Variants in FADS3 observed in about 807,000 individuals in gnomAD.
The protein encoded by FADS3 is cytochrome b5-related protein.
FADS3 carries 30 observed loss-of-function variants against 60.4 expected under a neutral mutation model. The ratio of observed to expected loss-of-function variants is 0.50; its 90% CI spans 0.37 to 0.67. The LOEUF (loss-of-function observed/expected upper bound fraction) is 0.67, where lower values mean the gene tolerates loss of function less well. Among genes scored for constraint, FADS3 ranks in the 30% least tolerant of loss-of-function variants. The pLI, the probability that FADS3 is intolerant of heterozygous loss-of-function variation, is 0.00. For synonymous variants in FADS3, 234 were observed against 249.3 expected (o/e 0.94, Z 0.58); for missense variants, 432 against 598.3 (o/e 0.72, Z 2.90).
At chr11:61,878,333 G>C in intron 5 of FADS3, 118 bp from the exon 6 acceptor site, 1 of 1,355,460 alleles carries the variant, frequency 7.4e-7, no homozygotes, top group Non-Finnish European at 1.0e-6. Context: ...TCTAGCAAGC[G>C]GGCTGGTCGT....
At position 61,880,099 on chromosome 11, in the gene FADS3, T is replaced by C. The variant is rs747080847; in HGVS notation, c.266A>G (p.Gln89Arg). 1.2e-6 allele frequency: 2 copies of C among 1,614,120 alleles called. No homozygotes were observed. Among genetic ancestry groups the C allele is most frequent in the South Asian group, 2.2e-5 (2 of 91,084 alleles). ...QDLNFVRKFLQPLLIGELAPE... is the reference protein window; with the variant it reads ...QDLNFVRKFLRPLLIGELAPE... ...AGCCAGCTCTCCAATCAACAGGGGC[T>C]GTAGGAACTTGCGCACAAAATTGAG... Residue 89 changes from glutamine to arginine, a missense_variant, in exon 2 of 12, where the codon CAG becomes CGG. By Grantham distance (43) the Gln-to-Arg change is conservative. Around this residue, in one of 5 missense-constraint regions of FADS3, gnomAD observed 167 missense variants for 188.8 expected, o/e 0.88. Coordinates refer to ENST00000278829, the MANE Select transcript of FADS3 (RefSeq NM_021727.5).
In FADS3 at chr11:61,878,562, G is replaced by T; in HGVS notation, c.697C>A (p.Pro233Thr). Reference sequence around the variant, plus strand: ...AAGACGGGCGCCACCGTCACGTCTGGGTCTTTGTGGAAGATGTTGGGCTTG... The same window carrying T: ...AAGACGGGCGCCACCGTCACGTCTGTGTCTTTGTGGAAGATGTTGGGCTTG... Reference protein sequence around the residue: ...HAKPNIFHKDPDVTVAPVFLL... With the variant: ...HAKPNIFHKDTDVTVAPVFLL... Residue 233 changes from proline to threonine, a missense_variant, in exon 5 of 12, where the codon CCA becomes ACA. This residue lies in a region of FADS3 where 116 missense variants were observed against 208.9 expected (regional missense o/e 0.56). Transcript: ENST00000278829. 1 of 1,614,190 alleles carries T rather than the reference G, an allele frequency of 6.2e-7. No individual in the cohort carries two copies. Among genetic ancestry groups the T allele is most frequent in the Non-Finnish European group, 8.5e-7 (1 of 1,180,028 alleles).
intron 11 of FADS3, among the ~76,000 whole-genome samples, chr11:61,874,694 G>A (rs61413106): frequency 0.045 from 6,857 of 152,088 alleles, 515 homozygotes; most frequent in African/African-American, 0.16. Flanking sequence ...CTGCCTGAAC[G>A]CTCTTTGCCA....
rs1461700631 is a variant in FADS3 at position 61,891,472 on chromosome 11, C to T, written c.-91G>A. On this transcript the variant is annotated 5_prime_UTR_variant, in exon 1 of 12. Transcript: ENST00000278829. ...CGAAGAGCGCTCCCGGGCGCCGCCT[C>T]CGCCGCCGCCCGCTGCTCCGGCCCC... 2.3e-6 allele frequency: 2 copies of T among 868,474 alleles called. No individual in the cohort carries two copies. The allele number at this position is 868,474 out of a possible 1,614,324, so 53.8% of individuals were successfully genotyped here.
Position 61,880,098 on chromosome 11 carries a change from C to A in FADS3, c.267G>T (p.Gln89His), listed in dbSNP as rs777666692. The A allele has an allele frequency of 3.1e-6, 5 of 1,614,148 alleles. No homozygotes were observed. The highest frequency in any genetic ancestry group is 1.7e-6 in the Non-Finnish European group (2 of 1,179,992). ...QDLNFVRKFL[Q>H]PLLIGELAPE... ...GAGCCAGCTCTCCAATCAACAGGGG[C>A]TGTAGGAACTTGCGCACAAAATTGA... is the stretch of plus-strand genomic sequence containing the variant. Residue 89 changes from glutamine (Q) to histidine (H), a missense_variant, in exon 2 of 12, where the codon CAG becomes CAT. Gln to His is a conservative substitution (Grantham distance 24, BLOSUM62 0). Around this residue, in one of 5 missense-constraint regions of FADS3, gnomAD observed 167 missense variants for 188.8 expected, o/e 0.88. Transcript: ENST00000278829.
intron 1 of FADS3, among the ~76,000 whole-genome samples, chr11:61,884,671 G>A (rs1053446147): frequency 6.6e-6 from 1 of 152,054 alleles, no homozygotes; most frequent in Non-Finnish European, 1.5e-5. Flanking sequence ...GAGCCTCAGG[G>A]AACTGTGGGA....
chr11:61,884,136 G>A (rs751991376), intron 1 of FADS3, among the ~76,000 whole-genome samples: 2 of 152,166 alleles, frequency 1.3e-5, no homozygotes, highest in Non-Finnish European at 2.9e-5. Flanking sequence ...AAGGATGGGG[G>A]TGCCAGGCAG....
rs767533494 is a variant in FADS3, at chr11:61,891,283, C to T, written c.99G>A (p.Gln33=). 6.5e-7 allele frequency: 1 copy of T among 1,537,038 alleles called. No homozygotes were observed. The highest frequency in any genetic ancestry group is 1.2e-5 in the South Asian group (1 of 83,986). The stretch of plus-strand genomic sequence containing the variant: ...CGATGACCAGCCACTTGTCGCCGGG[C>T]TGGTCGTGCGCGCGGATCTGCTCCC... ...FCWEQIRAHD[Q]PGDKWLVIER... The change falls in exon 1 of 12, where the codon CAG becomes CAA. Residue 33 remains glutamine (Q), a synonymous_variant. Coordinates refer to ENST00000278829, the MANE Select transcript of FADS3 (RefSeq NM_021727.5).
intron 1 of FADS3, among the ~76,000 whole-genome samples, chr11:61,889,738 G>A (rs1475957485): frequency 6.6e-6 from 1 of 152,224 alleles, no homozygotes; most frequent in Admixed American, 6.5e-5. Flanking sequence ...GCTCATGCCT[G>A]TAATCCCAGA....
chr11:61,875,989 A>C lies in FADS3; in HGVS notation c.1161-13T>G. On this transcript the variant is annotated splice_polypyrimidine_tract_variant and intron_variant, in intron 10 of 11. Coordinates refer to ENST00000278829, the MANE Select transcript of FADS3 (RefSeq NM_021727.5). ...CCTGGGGAAGAGGCTGGGGGTGGGG[A>C]GCGTATGCTGGCACCTGAAGTGGGA... 6.2e-7 allele frequency: 1 copy of C among 1,613,306 alleles called. No individual in the cohort carries two copies. Among genetic ancestry groups the C allele is most frequent in the Non-Finnish European group, 8.5e-7 (1 of 1,179,972 alleles).
rs58481740 is a variant in FADS3, at chr11:61,875,619, G to T, written c.1286+232C>A. Among the ~76,000 whole-genome samples, 132 of 152,256 alleles carry T rather than the reference G, an allele frequency of 8.7e-4. 2 individuals carry two copies. Among genetic ancestry groups the T allele is most frequent in the African/African-American group, 3.1e-3 (130 of 41,526 alleles). On this transcript the variant is annotated intron_variant, in intron 11 of 11. Transcript: ENST00000278829. The stretch of plus-strand genomic sequence containing the variant: ...GTTAGCTTCTTTCCCTCAGCCTTTG[G>T]GGGTAGGTTTGCATAGACCTGCTCA...
chr11:61,880,189 C>T (rs759268465), intron 1 of FADS3, 38 bp from the exon 2 acceptor site: 2 of 1,559,136 alleles, frequency 1.3e-6, no homozygotes, highest in African/African-American at 1.4e-5. Context: ...CAGACAGACA[C>T]AGCTGAGTAG....
intron 1 of FADS3, among the ~76,000 whole-genome samples, chr11:61,889,175 G>A (rs752791505): frequency 1.4e-4 from 21 of 152,054 alleles, no homozygotes; most frequent in Non-Finnish European, 2.9e-5. Context: ...GGGATTACAG[G>A]TGTGAGCCAC....
Position 61,875,904 on chromosome 11 carries a change from G to A in FADS3, c.1233C>T (p.His411=), listed in dbSNP as rs745914744. ...AGGGCTTCACTTCGTAGCTGAGGCC[G>A]TGCTTGGCACACAGCGACTTGACCA... ...APLVKSLCAK[H]GLSYEVKPFL... Residue 411 remains histidine, a synonymous_variant, in exon 11 of 12, where the codon CAC becomes CAT. Transcript: ENST00000278829. 15 of 1,613,698 alleles carry A rather than the reference G, an allele frequency of 9.3e-6. No individual in the cohort carries two copies. Among genetic ancestry groups the A allele is most frequent in the East Asian group, 2.2e-5 (1 of 44,896 alleles).
In FADS3 at chr11:61,891,414, G is replaced by A. The variant is rs1938511074; in HGVS notation, c.-33C>T. 2.9e-6 allele frequency: 4 copies of A among 1,378,102 alleles called. No homozygotes were observed. The highest frequency in any genetic ancestry group is 3.3e-5 in the Admixed American group (1 of 30,626). 85.4% of individuals were successfully genotyped at this position (1,378,102 alleles called of 1,614,324 possible). ...GCACGAGTCCTGGGGATCCCAGGCG[G>A]TGGCCGAGGTCCGAGCAAGACCCCG... is the stretch of plus-strand genomic sequence containing the variant. On this transcript the variant is annotated 5_prime_UTR_variant, in exon 1 of 12. Transcript: ENST00000278829.
intron 11 of FADS3, among the ~76,000 whole-genome samples, chr11:61,875,173 AG>A (rs779755374): frequency 5.3e-5 from 8 of 152,134 alleles, no homozygotes; most frequent in Non-Finnish European, 8.8e-5. Context: ...AGGGCGTGTG[AG>A]GGGATGTCCC....
intron 1 of FADS3, among the ~76,000 whole-genome samples, chr11:61,885,630 C>T (rs1938288999): frequency 1.3e-5 from 2 of 152,192 alleles, no homozygotes; most frequent in African/African-American, 2.4e-5. Flanking sequence ...GGCTGGCAGC[C>T]TCCTTCCACC....
intron 1 of FADS3, 21 bp downstream of exon 1, chr11:61,891,148 G>T (rs756348084): frequency 6.5e-7 from 1 of 1,548,790 alleles, no homozygotes. Context: ...CCGGTGGGTG[G>T]CTTCCTTATG....
intron 1 of FADS3, among the ~76,000 whole-genome samples, chr11:61,883,465 A>G (rs891640933): frequency 6.6e-6 from 1 of 152,152 alleles, no homozygotes; most frequent in Non-Finnish European, 1.5e-5. Context: ...GCACATGCAG[A>G]CACACCCACC....
Sources: allele counts gnomAD v4.1 joint callset (sites outside exome capture counted in the v4.1 genomes callset), GRCh38; gene constraint gnomAD v4.1.1; regional missense constraint gnomAD v4.1.1; transcripts MANE v1.5; gene names NCBI Gene and HGNC (gene_info 2026-07-23, HGNC 2026-07-21).